Variants in RASAL2 observed in about 807,000 individuals in gnomAD.
RASAL2 encodes the protein ras GTPase-activating protein nGAP.
A neutral mutation model predicts 128.9 loss-of-function variants in RASAL2; 58 were observed. The ratio of observed to expected loss-of-function variants is 0.45; its 90% CI spans 0.36 to 0.56. The LOEUF is 0.56. Ranked by LOEUF, RASAL2 falls within the 20% of genes least tolerant of loss-of-function variation. The pLI, the probability that RASAL2 is intolerant of heterozygous loss-of-function variation, is 0.00. For missense variants in RASAL2, 1,360 were observed against 1,601.6 expected (o/e 0.85, Z 2.57); for synonymous variants, 561 against 580.8 (o/e 0.97, Z 0.49).
chr1:178,472,307 A>G (rs938449271), intron 17 of RASAL2, among the ~76,000 whole-genome samples: 1 of 152,010 alleles, frequency 6.6e-6, no homozygotes, highest in African/African-American at 2.4e-5. Context: ...TATTGTTTCT[A>G]AAGCATTTTT....
intron 1 of RASAL2, among the ~76,000 whole-genome samples, chr1:178,212,505 T>G (rs1033884879): frequency 6.6e-6 from 1 of 152,168 alleles, no homozygotes; most frequent in African/African-American, 2.4e-5. Flanking sequence ...TTTTTCTGTT[T>G]TTTTGAGACG....
chr1:178,366,583 A>ACCCCCCCCC (rs1170150772), intron 3 of RASAL2, among the ~76,000 whole-genome samples: 15 of 37,902 alleles, frequency 4.0e-4, no homozygotes, highest in South Asian at 1.3e-3. Flanking sequence ...GGTACCTCCC[A>ACCCCCCCCC]CCCCCCCCCG....
At chr1:178,371,182 T>C (rs939141307) in intron 3 of RASAL2, among the ~76,000 whole-genome samples, 1 of 151,922 alleles carries the variant, frequency 6.6e-6, no homozygotes, top group South Asian at 2.1e-4. Context: ...CATGAAAATA[T>C]GTAATGTAAA....
At chr1:178,342,302 A>T (rs549885299) in intron 3 of RASAL2, among the ~76,000 whole-genome samples, 1 of 152,332 alleles carries the variant, frequency 6.6e-6, no homozygotes, top group East Asian at 1.9e-4. Context: ...CCAAGGTCAG[A>T]ATTAGGAACA....
rs1670020979 is a variant in RASAL2, at chr1:178,344,045, T to C, written c.457+43927T>C. Among the ~76,000 whole-genome samples, 4 of 152,294 alleles carry C rather than the reference T, an allele frequency of 2.6e-5. No individual in the cohort carries two copies. The South Asian group carries it at 8.3e-4, about 32-fold the overall frequency. On this transcript the variant is annotated intron_variant, in intron 3 of 17. Transcript: ENST00000367649. ...GGCATAAAAAAGAAACTCTCATATGTATGTGAAATAATTTTCTTTTGACCA... is the reference window on the plus strand; with the variant it reads ...GGCATAAAAAAGAAACTCTCATATGCATGTGAAATAATTTTCTTTTGACCA...
intron 17 of RASAL2, among the ~76,000 whole-genome samples, chr1:178,468,162 A>G (rs1201791020): frequency 6.6e-6 from 1 of 152,240 alleles, no homozygotes; most frequent in African/African-American, 2.4e-5. Context: ...TTTTTATTTT[A>G]TCATTGCAAA....
chr1:178,445,829 A>T (rs1572088990), intron 9 of RASAL2, among the ~76,000 whole-genome samples, 167 bp downstream of exon 9: 1 of 152,294 alleles, frequency 6.6e-6, no homozygotes, highest in East Asian at 1.9e-4. Flanking sequence ...ACTCACCAGT[A>T]GAGAAATAAT....
intron 3 of RASAL2, among the ~76,000 whole-genome samples, chr1:178,347,869 C>T (rs1423371804): frequency 7.2e-5 from 11 of 152,162 alleles, no homozygotes; most frequent in Admixed American, 7.2e-4. Flanking sequence ...TTTAACAGCA[C>T]TATTTATAAC....
At chr1:178,417,493 G>A (rs552260962) in intron 4 of RASAL2, among the ~76,000 whole-genome samples, 2 of 152,178 alleles carry the variant, frequency 1.3e-5, no homozygotes, top group Admixed American at 1.3e-4. Context: ...TGGACGCAGT[G>A]GCTCATGCCT....
intron 10 of RASAL2, 111 bp from the exon 11 acceptor site, chr1:178,452,305 C>T: frequency 1.1e-6 from 1 of 889,680 alleles, no homozygotes; most frequent in Non-Finnish European, 1.8e-6. Flanking sequence ...CTACTAGGTC[C>T]TCCTCACAGC....
chr1:178,216,329 A>T (rs1044389375), intron 1 of RASAL2, among the ~76,000 whole-genome samples: 1 of 152,260 alleles, frequency 6.6e-6, no homozygotes, highest in Non-Finnish European at 1.5e-5. Context: ...GACTGATTTC[A>T]TAAGCCAGAG....
At chr1:178,242,830 G>C (rs557543803) in intron 1 of RASAL2, among the ~76,000 whole-genome samples, 1 of 152,056 alleles carries the variant, frequency 6.6e-6, no homozygotes, top group Non-Finnish European at 1.5e-5. Context: ...AGGCTCAAGC[G>C]ATCCTCACAC....
chr1:178,341,061 G>C (rs1277097027), intron 3 of RASAL2, among the ~76,000 whole-genome samples: 1 of 152,116 alleles, frequency 6.6e-6, no homozygotes, highest in Non-Finnish European at 1.5e-5. Context: ...TGTGTTAACA[G>C]GCTTCTATCT....
At chr1:178,365,027 G>A (rs1671325264) in intron 3 of RASAL2, among the ~76,000 whole-genome samples, 1 of 151,350 alleles carries the variant, frequency 6.6e-6, no homozygotes, top group African/African-American at 2.4e-5. Context: ...TATTTCTGTT[G>A]AGCACATGTT....
chr1:178,403,950 G>A (rs1673814401), intron 4 of RASAL2, among the ~76,000 whole-genome samples: 1 of 152,094 alleles, frequency 6.6e-6, no homozygotes, highest in South Asian at 2.1e-4. Flanking sequence ...ATTAAGGTCG[G>A]GCACGGTGGC....
In RASAL2 at chr1:178,344,667, A is replaced by G. The variant is rs548159964; in HGVS notation, c.457+44549A>G. Among the ~76,000 whole-genome samples the G allele has an allele frequency of 2.6e-5, 4 of 152,308 alleles. No homozygotes were observed. In the South Asian group the frequency reaches 8.3e-4, roughly 32 times the overall value. ...GTCATTCTTGTTTTCAGTTCCCTGT[A>G]TATCAGTTGTAGTGAGAAGGAGAAG... On this transcript the variant is annotated intron_variant, in intron 3 of 17. Coordinates refer to ENST00000367649, the MANE Select transcript of RASAL2 (RefSeq NM_170692.4).
intron 3 of RASAL2, among the ~76,000 whole-genome samples, chr1:178,301,243 A>G (rs535568523): frequency 3.9e-5 from 6 of 152,254 alleles, no homozygotes; most frequent in African/African-American, 9.6e-5. Flanking sequence ...TATTTCCACT[A>G]TACTTCTTTA....
At chr1:178,400,671 T>G (rs1272389839) in intron 4 of RASAL2, among the ~76,000 whole-genome samples, 6 of 152,222 alleles carry the variant, frequency 3.9e-5, no homozygotes, top group Non-Finnish European at 8.8e-5. Context: ...TACAGTCATA[T>G]ATCAGAAAAT....
chr1:178,214,223 A>G (rs1663350352), intron 1 of RASAL2, among the ~76,000 whole-genome samples: 1 of 152,184 alleles, frequency 6.6e-6, no homozygotes. Flanking sequence ...TGAACGAGCT[A>G]TCATCCTGCC....
Sources: gnomAD v4.1 joint callset for allele counts (sites outside exome capture counted in the v4.1 genomes callset) on GRCh38, gnomAD v4.1.1 for gene constraint, MANE v1.5 for transcripts, NCBI Gene and HGNC (gene_info 2026-07-23, HGNC 2026-07-21) for gene names.